CFAP45: variants seen among roughly 807,000 people sequenced by gnomAD.
The protein encoded by CFAP45 is cilia- and flagella-associated protein 45.
In CFAP45, 43 loss-of-function variants were observed where a neutral mutation model predicts 75.6. The ratio of observed to expected loss-of-function variants is 0.57; its 90% CI spans 0.45 to 0.73. CFAP45 has a LOEUF of 0.73. Ranked by LOEUF, CFAP45 falls within the 30% of genes least tolerant of loss-of-function variation. CFAP45 has a pLI of 0.00. For missense variants in CFAP45, 689 were observed against 701.5 expected (o/e 0.98, Z 0.20); for synonymous variants, 223 against 244.6 (o/e 0.91, Z 0.82).
In CFAP45 at chr1:159,880,027, G is replaced by A. The variant is rs775148742; in HGVS notation, c.1044+527C>T. Among the ~76,000 whole-genome samples, 82 of 152,148 alleles carry A rather than the reference G, an allele frequency of 5.4e-4. 1 individual carries two copies. Among genetic ancestry groups the A allele is most frequent in the Non-Finnish European group, 1.1e-3 (73 of 68,026 alleles). On this transcript the variant is annotated intron_variant, in intron 8 of 11. Transcript: ENST00000368099. ...CCAGAATGAGCTGACACATTCATGA[G>A]CTACATCCATCTGCAACTGTCTGCA...
At chr1:159,881,450 G>A (rs1303652318) in intron 7 of CFAP45, among the ~76,000 whole-genome samples, 3 of 152,116 alleles carry the variant, frequency 2.0e-5, no homozygotes, top group Non-Finnish European at 4.4e-5. Flanking sequence ...ATCATACACT[G>A]CCTTGCAGGT....
chr1:159,897,866 AAAAC>A (rs959146400), intron 1 of CFAP45, among the ~76,000 whole-genome samples: 43 of 152,330 alleles, frequency 2.8e-4, no homozygotes, highest in African/African-American at 9.6e-4. Context: ...CCTAAAAAAG[AAAAC>A]AAACAAACAA....
Position 159,881,753 on chromosome 1 carries a change from A to T in CFAP45, c.898-1053T>A, listed in dbSNP as rs1162500517. On this transcript the variant is annotated intron_variant, in intron 7 of 11. Coordinates refer to ENST00000368099, the MANE Select transcript of CFAP45 (RefSeq NM_012337.3). Reference sequence around the variant, plus strand: ...CTGCCTTTCCCAGACCTGAGCCTTCAACAGCTCTCAATGATCAGACCACTT... The same window carrying T: ...CTGCCTTTCCCAGACCTGAGCCTTCTACAGCTCTCAATGATCAGACCACTT... 3.3e-5 allele frequency among the ~76,000 whole-genome samples: 5 copies of T among 152,190 alleles called. No homozygotes were observed. The East Asian group carries it at 9.6e-4, about 29-fold the overall frequency.
intron 8 of CFAP45, among the ~76,000 whole-genome samples, chr1:159,878,286 C>G (rs1163005165): frequency 6.6e-6 from 1 of 152,210 alleles, no homozygotes; most frequent in African/African-American, 2.4e-5. Flanking sequence ...ATGCTTTGGG[C>G]AGTCCCACAG....
At chr1:159,878,191 G>A (rs1426822548) in intron 8 of CFAP45, among the ~76,000 whole-genome samples, 1 of 152,166 alleles carries the variant, frequency 6.6e-6, no homozygotes, top group Non-Finnish European at 1.5e-5. Context: ...AGGCTACTGG[G>A]CCAAGAAACA....
At chr1:159,899,201 C>G (rs1650015345) in intron 1 of CFAP45, among the ~76,000 whole-genome samples, 1 of 152,158 alleles carries the variant, frequency 6.6e-6, no homozygotes, top group South Asian at 2.1e-4. Context: ...CCTCCCCATC[C>G]CAGCAAACCC....
chr1:159,881,484 G>A (rs778893937), intron 7 of CFAP45, among the ~76,000 whole-genome samples: 1 of 152,150 alleles, frequency 6.6e-6, no homozygotes, highest in Non-Finnish European at 1.5e-5. Flanking sequence ...ATATGTGTTC[G>A]CTCTGCCCCA....
At chr1:159,886,196 C>T (rs6669634) in intron 6 of CFAP45, among the ~76,000 whole-genome samples, 29,950 of 151,904 alleles carry the variant, frequency 0.2, 3,249 homozygotes, top group African/African-American at 0.27. Flanking sequence ...AAAAATTAGC[C>T]GGGTGTGGAT....
Position 159,880,581 on chromosome 1 carries a change from C to T in CFAP45, c.1017G>A (p.Met339Ile). ...TCTTCTTCTTGGTAAACTCCATCACCATCTGGTCTGCCAGCTTCTCCTGAG... is the reference window on the plus strand; with the variant it reads ...TCTTCTTCTTGGTAAACTCCATCACTATCTGGTCTGCCAGCTTCTCCTGAG... ...LLAQEKLADQ[M>I]VMEFTKKKMA... The change falls in exon 8 of 12, where the codon ATG becomes ATA. Residue 339 changes from methionine (M) to isoleucine (I), a missense_variant. Met to Ile is a conservative substitution (Grantham distance 10). Coordinates refer to ENST00000368099, the MANE Select transcript of CFAP45 (RefSeq NM_012337.3). 1 of 1,613,356 alleles carries T rather than the reference C, an allele frequency of 6.2e-7. No homozygotes were observed. Among genetic ancestry groups the T allele is most frequent in the Non-Finnish European group, 8.5e-7 (1 of 1,179,662 alleles).
At position 159,888,725 on chromosome 1, in the gene CFAP45, C is replaced by T. The variant is rs552212046; in HGVS notation, c.273-229G>A. Among the ~76,000 whole-genome samples the T allele has an allele frequency of 2.0e-5, 3 of 152,196 alleles. No individual in the cohort carries two copies. In the South Asian group the frequency reaches 6.2e-4, roughly 32 times the overall value. The stretch of plus-strand genomic sequence containing the variant: ...ATTTTAAGTCCTTTTTCTATTAGGT[C>T]CTGCTCATATGTTACCTTCTCTGTG... On this transcript the variant is annotated intron_variant, in intron 3 of 11. Transcript: ENST00000368099.
Position 159,876,608 on chromosome 1 carries a change from C to T in CFAP45, c.1300G>A (p.Ala434Thr), listed in dbSNP as rs369433355. 1.7e-5 allele frequency: 28 copies of T among 1,614,080 alleles called. No individual in the cohort carries two copies. Among genetic ancestry groups the T allele is most frequent in the East Asian group, 2.2e-5 (1 of 44,896 alleles). Residue 434 changes from alanine to threonine, a missense_variant, in exon 10 of 12, where the codon GCT (alanine) becomes ACT (threonine). Ala to Thr is a moderately conservative substitution (Grantham distance 58). Transcript: ENST00000368099. The part of the protein sequence containing the change: ...RLEQVAFKEH[A>T]LAVQVQRDRD... Reference sequence around the variant, plus strand: ...TCCCGTTGCACCTGAACAGCCAGAGCGTGCTCCTTGAAAGCCACCTGTTCG... The same window carrying T: ...TCCCGTTGCACCTGAACAGCCAGAGTGTGCTCCTTGAAAGCCACCTGTTCG...
At chr1:159,893,416 G>C in intron 1 of CFAP45, 111 bp from the exon 2 acceptor site, 1 of 1,046,384 alleles carries the variant, frequency 9.6e-7, no homozygotes, top group Non-Finnish European at 1.5e-6. Flanking sequence ...ATGTGAAAAA[G>C]AAACAGTTAG....
chr1:159,884,626 A>G (rs1450814076), intron 6 of CFAP45, 61 bp from the exon 7 acceptor site: 29 of 1,537,198 alleles, frequency 1.9e-5, no homozygotes, highest in Non-Finnish European at 2.4e-5. Context: ...CCAGAGTCCA[A>G]CCTCCACCTA....
chr1:159,884,800 A>T (rs1649637209), intron 6 of CFAP45, among the ~76,000 whole-genome samples: 1 of 152,126 alleles, frequency 6.6e-6, no homozygotes, highest in Non-Finnish European at 1.5e-5. Context: ...TCTTCCTGAG[A>T]TTCTCCTTCT....
chr1:159,885,153 G>T (rs191388416), intron 6 of CFAP45, among the ~76,000 whole-genome samples: 2 of 152,334 alleles, frequency 1.3e-5, no homozygotes, highest in Non-Finnish European at 2.9e-5. Flanking sequence ...TGCTCGAATG[G>T]CTTCATGACT....
chr1:159,896,500 A>G (rs1649953651), intron 1 of CFAP45, among the ~76,000 whole-genome samples: 1 of 152,240 alleles, frequency 6.6e-6, no homozygotes. Flanking sequence ...ACTAGAAAAA[A>G]ATGAAGAATC....
chr1:159,884,432 T>TAA lies in CFAP45; in HGVS notation c.897+3_897+4insTT. 1.2e-6 allele frequency: 2 copies of TAA among 1,605,732 alleles called. No homozygotes were observed. The highest frequency in any genetic ancestry group is 4.5e-5 in the East Asian group (2 of 44,438). On this transcript the variant is annotated splice_donor_region_variant and intron_variant, in intron 7 of 11. Coordinates refer to ENST00000368099, the MANE Select transcript of CFAP45 (RefSeq NM_012337.3). ...AACGTGGCATTGTCTGTCTGGCCTG[T>TAA]TACCTTTAGATCTTCCTCTTGGAGC... is the stretch of plus-strand genomic sequence containing the variant.
intron 1 of CFAP45, chr1:159,898,085 T>C: frequency 3.0e-6 from 3 of 984,720 alleles, no homozygotes; most frequent in South Asian, 9.4e-5. Flanking sequence ...GATCTAGTTC[T>C]TCTTTTGCAC....
chr1:159,880,418 C>T, intron 8 of CFAP45, 136 bp downstream of exon 8: 1 of 757,580 alleles, frequency 1.3e-6, no homozygotes, highest in Non-Finnish European at 2.2e-6. Context: ...AGAAGCCAGG[C>T]CCTTGAACTA....
Sources: allele counts gnomAD v4.1 joint callset (sites outside exome capture counted in the v4.1 genomes callset), GRCh38; gene constraint gnomAD v4.1.1; transcripts MANE v1.5; gene names NCBI Gene and HGNC (gene_info 2026-07-23, HGNC 2026-07-21).